Variants in NAV1 observed in about 807,000 individuals in gnomAD.
NAV1 encodes the protein pore membrane and/or filament interacting like protein 3.
In NAV1, 18 loss-of-function variants were observed where a neutral mutation model predicts 175.2. That is an observed-to-expected ratio of 0.10 (90% CI 0.07 to 0.15). The LOEUF is 0.15. NAV1 is among the 10% of genes least tolerant of loss of function. The pLI, the probability that NAV1 is intolerant of heterozygous loss-of-function variation, is 1.00. For missense variants in NAV1, 1,731 were observed against 2,436.6 expected, an observed-to-expected ratio of 0.71 and a Z score of 6.10; for synonymous variants, 897 against 978.7, an observed-to-expected ratio of 0.92 and a Z score of 1.56.
At chr1:201,651,122 CGTGTGTGTGTGTGTGTGTGT>C (rs60462710) in intron 1 of NAV1, among the ~76,000 whole-genome samples, 7 of 129,158 alleles carry the variant, frequency 5.4e-5, no homozygotes, top group African/African-American at 1.7e-4. Flanking sequence ...AGGAAGGGAC[CGTGTGTGTGTGTGTGTGTGT>C]GTGTGTGTGT....
At chr1:201,758,724 A>C (rs1411441202) in intron 3 of NAV1, among the ~76,000 whole-genome samples, 2 of 152,246 alleles carry the variant, frequency 1.3e-5, no homozygotes, top group Non-Finnish European at 2.9e-5. Context: ...TGCACTGCAG[A>C]AGTAATCCCA....
At position 201,803,723 on chromosome 1, in the gene NAV1, A is replaced by G; in HGVS notation, c.3639+9A>G. On this transcript the variant is annotated intron_variant, in intron 16 of 29. Transcript: ENST00000367296. ...AGAAAAAAAAGAGTTGGGTAGGTAA[A>G]GGTTTGGGGGGTGGGAAGTAGGTAG... is the stretch of plus-strand genomic sequence containing the variant. 6.8e-7 allele frequency: 1 copy of G among 1,466,140 alleles called. No homozygotes were observed. The allele number at this position is 1,466,140 out of a possible 1,614,324, so 90.8% of individuals were successfully genotyped here.
At chr1:201,794,348 C>A (rs1677302574) in intron 14 of NAV1, 118 bp from the exon 19 acceptor site, 2 of 873,600 alleles carry the variant, frequency 2.3e-6, no homozygotes, top group African/African-American at 3.4e-5. Context: ...GACCAGGTGG[C>A]CAGGCTGGTC....
chr1:201,646,876 A>AATAC (rs1668995673), upstream of NAV1, among the ~76,000 whole-genome samples: 1 of 152,208 alleles, frequency 6.6e-6, no homozygotes, highest in South Asian at 2.1e-4. Flanking sequence ...TAGAGACACA[A>AATAC]ATACATTTCA....
At position 201,616,493 on chromosome 1, in the gene NAV1, T is replaced by C. The variant is rs142955053; in HGVS notation, c.-32-6360T>C. ...TACTCTGTTTTGTCTCTCTCTCTCTTTTTTTTTTCTTGAGATGAAGTTTCA... is the reference window on the plus strand; with the variant it reads ...TACTCTGTTTTGTCTCTCTCTCTCTCTTTTTTTTCTTGAGATGAAGTTTCA... On this transcript the variant is annotated intron_variant, in intron 2 of 33. Transcript: ENST00000685211. 3.5e-3 allele frequency among the ~76,000 whole-genome samples: 528 copies of C among 151,192 alleles called. 3 individuals are homozygous for C. Among genetic ancestry groups the C allele is most frequent in the African/African-American group, 0.011 (470 of 41,224 alleles).
intron 2 of NAV1, among the ~76,000 whole-genome samples, chr1:201,596,237 G>C (rs1373995081): frequency 6.6e-6 from 1 of 152,246 alleles, no homozygotes; most frequent in Non-Finnish European, 1.5e-5. Context: ...TCTCTCTTGA[G>C]CCTCTGTCCA....
At chr1:201,612,638 T>C (rs1667885035) in intron 2 of NAV1, among the ~76,000 whole-genome samples, 1 of 152,210 alleles carries the variant, frequency 6.6e-6, no homozygotes, top group Non-Finnish European at 1.5e-5. Flanking sequence ...TCAAGTCTCT[T>C]TTATGAAGGG....
chr1:201,712,995 C>G, intron 2 of NAV1, 76 bp downstream of exon 6: 2 of 1,101,706 alleles, frequency 1.8e-6, no homozygotes, highest in Non-Finnish European at 2.8e-6. Flanking sequence ...GCAGGGCCCC[C>G]GGGTCCCTCC....
At chr1:201,755,150 A>G (rs541343094) in intron 3 of NAV1, among the ~76,000 whole-genome samples, 4 of 152,368 alleles carry the variant, frequency 2.6e-5, no homozygotes, top group Admixed American at 2.0e-4. Flanking sequence ...CAGCAACACT[A>G]GAAAGAATCA....
Position 201,648,623 on chromosome 1 carries a change from C to G in NAV1, c.-46C>G. ...GCTCCCGCCCCCTGCCCCCTCCCCC[C>G]GTGCCTGCAGACGCGCGGATCGTCC... On this transcript the variant is annotated 5_prime_UTR_variant, in exon 1 of 30. Coordinates refer to ENST00000367296, the Ensembl canonical transcript of NAV1. The G allele has an allele frequency of 2.3e-6, 3 of 1,291,842 alleles. No homozygotes were observed. Among genetic ancestry groups the G allele is most frequent in the Non-Finnish European group, 2.9e-6 (3 of 1,025,136 alleles). 80.0% of individuals were successfully genotyped at this position (1,291,842 alleles called of 1,614,324 possible).
At chr1:201,794,295 GT>G (rs1323014235) in intron 14 of NAV1, 170 bp from the exon 19 acceptor site, 1 of 655,392 alleles carries the variant, frequency 1.5e-6, no homozygotes, top group Non-Finnish European at 2.8e-6. Context: ...GGGATTACAG[GT>G]GCCCGCCACC....
At chr1:201,786,458 A>G (rs1676753558) in exon 9 of NAV1, 3 of 1,613,574 alleles carry the variant, frequency 1.9e-6, no homozygotes, top group South Asian at 2.2e-5. Context: ...GAGGAGACCA[A>G]GGAGAGGCGA....
intron 3 of NAV1, among the ~76,000 whole-genome samples, chr1:201,744,316 G>GTATT (rs201881780): frequency 0.022 from 3,069 of 140,992 alleles, 51 homozygotes; most frequent in Non-Finnish European, 0.03. Context: ...ATGTATGTAT[G>GTATT]TATTTATTTA....
chr1:201,617,247 TCACACA>T (rs143535007), intron 2 of NAV1, among the ~76,000 whole-genome samples: 1 of 149,294 alleles, frequency 6.7e-6, no homozygotes, highest in Non-Finnish European at 1.5e-5. Flanking sequence ...TCTCTGTCTG[TCACACA>T]CACACACACA....
At chr1:201,591,417 C>T (rs934705316) in intron 2 of NAV1, among the ~76,000 whole-genome samples, 6 of 152,226 alleles carry the variant, frequency 3.9e-5, no homozygotes, top group South Asian at 2.1e-4. Context: ...ACAACCTCCC[C>T]GAGTCAGGGC....
Position 201,591,553 on chromosome 1 carries a change from C to G in NAV1, c.-33+2904C>G, listed in dbSNP as rs150375920. On this transcript the variant is annotated intron_variant, in intron 2 of 33. Transcript: ENST00000685211. ...GAGGGTGTGAGGAGCTAGGTTGGCA[C>G]TGGGACAGAAAATAAGTGTGTGTAA... is the stretch of plus-strand genomic sequence containing the variant. Among the ~76,000 whole-genome samples, 8 of 152,302 alleles carry G rather than the reference C, an allele frequency of 5.3e-5. No individual in the cohort carries two copies. In the East Asian group the frequency reaches 1.5e-3, roughly 29 times the overall value.
exon 23 of NAV1, chr1:201,809,979 C>A: frequency 6.2e-7 from 1 of 1,614,026 alleles, no homozygotes; most frequent in Non-Finnish European, 8.5e-7. Context: ...AGCCTCTACC[C>A]TGGGACTAAG....
chr1:201,623,235 C>T, exon 1 of NAV1: 1 of 986,010 alleles, frequency 1.0e-6, no homozygotes, highest in South Asian at 4.7e-5. Context: ...GGGCTGGATC[C>T]GGAAGAATTG....
intron 3 of NAV1, among the ~76,000 whole-genome samples, chr1:201,727,559 A>G (rs1352246689): frequency 6.6e-6 from 1 of 152,204 alleles, no homozygotes; most frequent in Admixed American, 6.5e-5. Context: ...TCACTCAAAC[A>G]TGTTTCTTGC....
Sources: gnomAD v4.1 joint callset for allele counts (sites outside exome capture counted in the v4.1 genomes callset) on GRCh38, gnomAD v4.1.1 for gene constraint, MANE v1.5 for transcripts, NCBI Gene and HGNC (gene_info 2026-07-23, HGNC 2026-07-21) for gene names.